Variants in RABGAP1L observed in about 807,000 individuals in gnomAD.
The protein encoded by RABGAP1L is rab GTPase-activating protein 1-like.
A neutral mutation model predicts 137.7 loss-of-function variants in RABGAP1L; 63 were observed. That is an observed-to-expected ratio of 0.46 (90% CI 0.37 to 0.56). The LOEUF (loss-of-function observed/expected upper bound fraction) is 0.56, where lower values mean the gene tolerates loss of function less well. Ranked by LOEUF, RABGAP1L falls within the 20% of genes least tolerant of loss-of-function variation. The probability of loss-of-function intolerance (pLI) is 0.00; values close to 1 mark genes in which losing one functional copy is unlikely to be tolerated. For missense variants in RABGAP1L, 1,095 were observed against 1,244.0 expected (o/e 0.88, Z 1.80); for synonymous variants, 431 against 433.7 (o/e 0.99, Z 0.08).
chr1:174,249,601 C>CT (rs199661095), intron 5 of RABGAP1L, among the ~76,000 whole-genome samples: 33,188 of 140,032 alleles, frequency 0.24, 4,122 homozygotes, highest in Non-Finnish European at 0.28. Flanking sequence ...TGAAAGATAG[C>CT]TTTTTTTTTT....
intron 11 of RABGAP1L, among the ~76,000 whole-genome samples, chr1:174,310,153 G>T (rs935782307): frequency 6.6e-6 from 1 of 151,982 alleles, no homozygotes; most frequent in Non-Finnish European, 1.5e-5. Context: ...TGAATATAAC[G>T]GTCTATAACA....
At chr1:174,701,128 C>T in intron 16 of RABGAP1L, 2 of 1,304,404 alleles carry the variant, frequency 1.5e-6, no homozygotes, top group South Asian at 2.5e-5. Flanking sequence ...TGAAGGTGGC[C>T]TTTGTCTTTC....
rs59243192 is a variant in RABGAP1L at position 174,662,121 on chromosome 1, T to TTTTTTG, written c.1825-21401_1825-21400insTTTTTG. Among the ~76,000 whole-genome samples, 34 of 135,220 alleles carry TTTTTTG rather than the reference T, an allele frequency of 2.5e-4. 1 individual carries two copies. Among genetic ancestry groups the TTTTTTG allele is most frequent in the African/African-American group, 3.3e-4 (11 of 33,378 alleles). 88.7% of individuals were successfully genotyped at this position (135,220 alleles called of 152,430 possible). ...TCTTTTCTTTTTTTTTTTTTTTTTT[T>TTTTTTG]GAGTTGGAGTCTGGCTCTGTCGCCC... On this transcript the variant is annotated intron_variant, in intron 14 of 25. Transcript: ENST00000681986.
chr1:174,434,151 A>ACACACACACACC (rs1361968902), intron 13 of RABGAP1L, among the ~76,000 whole-genome samples: 115 of 147,620 alleles, frequency 7.8e-4, no homozygotes, highest in Middle Eastern at 3.5e-3. Context: ...ACACACACAC[A>ACACACACACACC]CCCTGCCTGG....
intron 19 of RABGAP1L, among the ~76,000 whole-genome samples, chr1:174,861,804 G>A (rs1650311769): frequency 6.6e-6 from 1 of 152,070 alleles, no homozygotes; most frequent in Middle Eastern, 3.4e-3. Flanking sequence ...GGGTTATTTG[G>A]TGTTTTGCTG....
chr1:174,940,735 G>A (rs1169881171), intron 19 of RABGAP1L, among the ~76,000 whole-genome samples: 1 of 152,050 alleles, frequency 6.6e-6, no homozygotes, highest in Admixed American at 6.6e-5. Context: ...CAGTTCTAAC[G>A]TCAGATATTC....
At chr1:174,362,176 T>G (rs964695927) in intron 11 of RABGAP1L, among the ~76,000 whole-genome samples, 1 of 152,246 alleles carries the variant, frequency 6.6e-6, no homozygotes, top group Admixed American at 6.5e-5. Flanking sequence ...CTTTATCCAG[T>G]CTATCATTGA....
At chr1:174,384,140 G>A (rs1471928308) in intron 12 of RABGAP1L, among the ~76,000 whole-genome samples, 1 of 152,198 alleles carries the variant, frequency 6.6e-6, no homozygotes, top group African/African-American at 2.4e-5. Flanking sequence ...TGGATCTCAA[G>A]TGCATCATGT....
chr1:174,227,692 C>T (rs1324098041), intron 3 of RABGAP1L, among the ~76,000 whole-genome samples: 1 of 151,930 alleles, frequency 6.6e-6, no homozygotes, highest in Non-Finnish European at 1.5e-5. Flanking sequence ...TTAGTATTTG[C>T]TCTGGAGTTT....
intron 5 of RABGAP1L, among the ~76,000 whole-genome samples, chr1:174,249,542 A>G (rs1672543348): frequency 6.6e-6 from 1 of 152,100 alleles, no homozygotes; most frequent in Non-Finnish European, 1.5e-5. Flanking sequence ...AATTAGTTCA[A>G]TATCTTTATC....
intron 13 of RABGAP1L, among the ~76,000 whole-genome samples, chr1:174,585,270 A>G (rs1237416437): frequency 6.6e-6 from 1 of 151,892 alleles, no homozygotes; most frequent in Non-Finnish European, 1.5e-5. Flanking sequence ...TACTGCAGCT[A>G]CTCTACCCAG....
chr1:174,976,110 G>A lies in RABGAP1L; in HGVS notation c.2577G>A (p.Glu859=). The change falls in exon 22 of 26, where the codon GAG becomes GAA. Residue 859 remains glutamate (E), a synonymous_variant. Transcript: ENST00000681986. ...AEDKADVLNK[E]LLLTKQRLVE... ...ACAAGGCAGATGTGTTGAATAAAGA[G>A]CTCCTTTTGACCAAACAGAGGCTGG... 1.3e-6 allele frequency: 2 copies of A among 1,551,136 alleles called. No individual in the cohort carries two copies. Among genetic ancestry groups the A allele is most frequent in the South Asian group, 1.2e-5 (1 of 84,062 alleles).
intron 20 of RABGAP1L, chr1:174,964,850 T>C: frequency 7.0e-7 from 1 of 1,431,632 alleles, no homozygotes; most frequent in East Asian, 2.6e-5. Context: ...CAAAAGAGCA[T>C]TAAGAAGTGT....
intron 13 of RABGAP1L, among the ~76,000 whole-genome samples, chr1:174,495,668 A>G (rs983865816): frequency 6.6e-6 from 1 of 152,146 alleles, no homozygotes; most frequent in Non-Finnish European, 1.5e-5. Context: ...TTTTTCAAGT[A>G]ATACCTTTGC....
intron 13 of RABGAP1L, among the ~76,000 whole-genome samples, chr1:174,516,113 G>A (rs542208985): frequency 9.5e-4 from 117 of 122,846 alleles, no homozygotes; most frequent in Non-Finnish European, 1.6e-3. Flanking sequence ...GATGAAAACT[G>A]AAGCTCTACA....
chr1:174,390,470 T>G (rs1210247393), intron 12 of RABGAP1L, among the ~76,000 whole-genome samples: 1 of 152,202 alleles, frequency 6.6e-6, no homozygotes, highest in Non-Finnish European at 1.5e-5. Context: ...TAAAATATAG[T>G]TAAATCATTA....
chr1:174,281,620 GAGAACT>G (rs1277464484), intron 10 of RABGAP1L, among the ~76,000 whole-genome samples: 1 of 152,218 alleles, frequency 6.6e-6, no homozygotes, highest in East Asian at 1.9e-4. Context: ...TAAATGCCCA[GAGAACT>G]AGAAAGACTG....
intron 19 of RABGAP1L, among the ~76,000 whole-genome samples, chr1:174,900,300 G>A (rs1056822937): frequency 2.0e-5 from 3 of 152,150 alleles, no homozygotes; most frequent in African/African-American, 4.8e-5. Context: ...TAAGAGCCCC[G>A]CTTACAGAAT....
At chr1:174,399,027 ATTG>A (rs760416714) in intron 13 of RABGAP1L, among the ~76,000 whole-genome samples, 8 of 152,264 alleles carry the variant, frequency 5.3e-5, no homozygotes, top group South Asian at 2.1e-4. Context: ...TGTTATTTCT[ATTG>A]TTAATACAGT....
Sources: gnomAD v4.1 joint callset for allele counts (sites outside exome capture counted in the v4.1 genomes callset) on GRCh38, gnomAD v4.1.1 for gene constraint, MANE v1.5 for transcripts, NCBI Gene and HGNC (gene_info 2026-07-23, HGNC 2026-07-21) for gene names.